The following MAN1A2 variants were observed in gnomAD, a reference collection of about 807,000 sequenced individuals.
The protein encoded by MAN1A2 is mannosyl-oligosaccharide 1,2-alpha-mannosidase IB.
In MAN1A2, 26 loss-of-function variants were observed where a neutral mutation model predicts 75.7. That is an observed-to-expected ratio of 0.34 (90% CI 0.25 to 0.48). The LOEUF is 0.48. Ranked by LOEUF, MAN1A2 falls within the 20% of genes least tolerant of loss-of-function variation. The pLI, the probability that MAN1A2 is intolerant of heterozygous loss-of-function variation, is 0.99. For missense variants in MAN1A2, 562 were observed against 775.5 expected, an observed-to-expected ratio of 0.72 and a Z score of 3.27; for synonymous variants, 247 against 264.6, an observed-to-expected ratio of 0.93 and a Z score of 0.65.
intron 12 of MAN1A2, among the ~76,000 whole-genome samples, chr1:117,513,816 T>A (rs1651622397): frequency 6.6e-6 from 1 of 152,132 alleles, no homozygotes. Context: ...TTTTAAAAAA[T>A]TTCATTGTCT....
chr1:117,484,535 A>G (rs1650600651), intron 8 of MAN1A2, among the ~76,000 whole-genome samples: 2 of 152,108 alleles, frequency 1.3e-5, no homozygotes, highest in South Asian at 2.1e-4. Context: ...TTTTACTGCA[A>G]TATGCAATTT....
chr1:117,418,220 T>C (rs1432274388), intron 4 of MAN1A2, among the ~76,000 whole-genome samples: 2 of 152,108 alleles, frequency 1.3e-5, no homozygotes, highest in African/African-American at 2.4e-5. Flanking sequence ...TCTGTGGATA[T>C]AGTAATCAAC....
Position 117,517,562 on chromosome 1 carries a change from A to G in MAN1A2, c.1794-5263A>G, listed in dbSNP as rs540738714. ...GAAGTAAAAATTAGTGAACTTGAAG[A>G]CTTAGCAATGAAACTATCCAAAATG... On this transcript the variant is annotated intron_variant, in intron 12 of 12. Transcript: ENST00000356554. 6.6e-5 allele frequency among the ~76,000 whole-genome samples: 10 copies of G among 152,262 alleles called. No individual in the cohort carries two copies. The South Asian group carries it at 2.1e-3, about 32-fold the overall frequency.
At chr1:117,369,143 T>A (rs905764757) in intron 1 of MAN1A2, among the ~76,000 whole-genome samples, 2 of 152,220 alleles carry the variant, frequency 1.3e-5, no homozygotes, top group East Asian at 3.8e-4. Flanking sequence ...TAGACAAGAT[T>A]TATTTTTGTG....
In MAN1A2 at chr1:117,444,294, G is replaced by A. The variant is rs189511577; in HGVS notation, c.950+1969G>A. Among the ~76,000 whole-genome samples, 5 of 148,078 alleles carry A rather than the reference G, an allele frequency of 3.4e-5. No homozygotes were observed. In the East Asian group the frequency reaches 9.7e-4, roughly 29 times the overall value. The stretch of plus-strand genomic sequence containing the variant: ...CCATTATTTTCCTACCACAAACATT[G>A]CTACAATAGCATCCTGTTATACATG... On this transcript the variant is annotated intron_variant, in intron 6 of 12. Transcript: ENST00000356554.
intron 1 of MAN1A2, among the ~76,000 whole-genome samples, chr1:117,377,248 T>C (rs1653179377): frequency 6.6e-6 from 1 of 152,234 alleles, no homozygotes; most frequent in Non-Finnish European, 1.5e-5. Context: ...TTCTATTAAT[T>C]TGTGTTGTCA....
At chr1:117,451,035 G>C (rs1028025273) in intron 6 of MAN1A2, among the ~76,000 whole-genome samples, 1 of 152,208 alleles carries the variant, frequency 6.6e-6, no homozygotes, top group Non-Finnish European at 1.5e-5. Context: ...TCCACCAACA[G>C]CTTGCATCAT....
chr1:117,400,396 G>A (rs947272981), intron 1 of MAN1A2, among the ~76,000 whole-genome samples: 2 of 131,524 alleles, frequency 1.5e-5, no homozygotes, highest in Non-Finnish European at 3.2e-5. Context: ...TTTTTCTTTT[G>A]GCATACAGGT....
At chr1:117,517,942 A>G (rs1651762521) in intron 12 of MAN1A2, among the ~76,000 whole-genome samples, 1 of 152,032 alleles carries the variant, frequency 6.6e-6, no homozygotes, top group Non-Finnish European at 1.5e-5. Flanking sequence ...AACAGGAACA[A>G]ATATAAAAAT....
intron 1 of MAN1A2, among the ~76,000 whole-genome samples, chr1:117,372,251 G>A (rs991608117): frequency 1.3e-5 from 2 of 152,172 alleles, no homozygotes; most frequent in Admixed American, 6.5e-5. Context: ...AGTGGTGATA[G>A]TGGAGAATGA....
intron 1 of MAN1A2, among the ~76,000 whole-genome samples, chr1:117,382,995 C>T (rs192793389): frequency 1.4e-4 from 21 of 152,232 alleles, no homozygotes; most frequent in East Asian, 1.2e-3. Context: ...GATTTTACTT[C>T]TTCCTTTCCA....
chr1:117,499,343 G>C (rs1319522040), intron 10 of MAN1A2, 39 bp from the exon 11 acceptor site: 15 of 1,401,046 alleles, frequency 1.1e-5, no homozygotes, highest in Non-Finnish European at 1.4e-5. Context: ...AAACATAAAT[G>C]GTTTATTTTG....
At chr1:117,420,317 A>G (rs1648144268) in intron 4 of MAN1A2, among the ~76,000 whole-genome samples, 1 of 152,080 alleles carries the variant, frequency 6.6e-6, no homozygotes, top group African/African-American at 2.4e-5. Flanking sequence ...ATAAGTTCAC[A>G]GTACTGTGTA....
At chr1:117,437,938 A>G (rs1648897504) in intron 5 of MAN1A2, among the ~76,000 whole-genome samples, 1 of 152,252 alleles carries the variant, frequency 6.6e-6, no homozygotes, top group Admixed American at 6.5e-5. Context: ...CTTGTTGAGC[A>G]TCTGCTATAT....
At chr1:117,393,710 C>T (rs985046832) in intron 1 of MAN1A2, among the ~76,000 whole-genome samples, 4 of 151,920 alleles carry the variant, frequency 2.6e-5, no homozygotes, top group Admixed American at 6.6e-5. Flanking sequence ...TGGAATTTGG[C>T]GATGAGAGTC....
At chr1:117,469,574 C>A (rs1470733973) in intron 8 of MAN1A2, among the ~76,000 whole-genome samples, 1 of 152,070 alleles carries the variant, frequency 6.6e-6, no homozygotes, top group Admixed American at 6.6e-5. Context: ...TTTTAAGGGT[C>A]TATACACAGA....
chr1:117,473,291 G>T (rs977328131), intron 8 of MAN1A2, among the ~76,000 whole-genome samples: 6 of 151,774 alleles, frequency 4.0e-5, no homozygotes, highest in Non-Finnish European at 7.4e-5. Context: ...AGCAAATTCT[G>T]TTCTGTCTGC....
chr1:117,493,504 G>A (rs1650949486), intron 9 of MAN1A2: 1 of 307,128 alleles, frequency 3.3e-6, no homozygotes, highest in Non-Finnish European at 6.1e-6. Context: ...TTGTAGTCCA[G>A]GTGCAGTGGC....
intron 8 of MAN1A2, among the ~76,000 whole-genome samples, chr1:117,483,172 T>A (rs546044971): frequency 2.0e-5 from 3 of 152,260 alleles, no homozygotes; most frequent in Admixed American, 6.5e-5. Flanking sequence ...TCAGGTAGCG[T>A]GATGTCTCCA....
Sources: gnomAD v4.1 joint callset for allele counts (sites outside exome capture counted in the v4.1 genomes callset) on GRCh38, gnomAD v4.1.1 for gene constraint, MANE v1.5 for transcripts, NCBI Gene and HGNC (gene_info 2026-07-23, HGNC 2026-07-21) for gene names.